Variants in CCDC6 observed in about 807,000 individuals in gnomAD.
CCDC6 encodes the protein coiled-coil domain containing 6, also known as coiled-coil domain-containing protein 6.
In CCDC6, 20 loss-of-function variants were observed where a neutral mutation model predicts 56.6. That is an observed-to-expected ratio of 0.35 (90% CI 0.25 to 0.51). The LOEUF (loss-of-function observed/expected upper bound fraction) is 0.51. CCDC6 is among the 20% of genes least tolerant of loss of function. The pLI, the probability that CCDC6 is intolerant of heterozygous loss-of-function variation, is 0.95. For synonymous variants in CCDC6, 241 were observed against 234.4 expected (o/e 1.03, Z -0.26); for missense variants, 367 against 601.1 (o/e 0.61, Z 4.07).
chr10:59,790,674 CTG>C lies in CCDC6; in HGVS notation c.*2241_*2242del, dbSNP rs1216019405. The C allele has an allele frequency of 4.6e-6, 1 of 219,722 alleles. No homozygotes were observed. The highest frequency in any genetic ancestry group is 9.1e-6 in the Non-Finnish European group (1 of 110,332). 13.6% of individuals were successfully genotyped at this position (219,722 alleles called of 1,614,324 possible). A position where few individuals can be genotyped will look rare whatever the true frequency, so the allele number is the denominator to read the frequency against. ...GTGGAAAAAGTGCTGTTTGAAGGAG[CTG>C]TGTTTTATTTCGAAGTGAAATGACT... On this transcript the variant is annotated 3_prime_UTR_variant, in exon 9 of 9. Transcript: ENST00000263102.
chr10:59,830,319 T>C (rs2070825012), intron 3 of CCDC6, among the ~76,000 whole-genome samples: 1 of 152,144 alleles, frequency 6.6e-6, no homozygotes, highest in Admixed American at 6.5e-5. Flanking sequence ...ACAATACAGA[T>C]AATTCCAAGA....
intron 1 of CCDC6, among the ~76,000 whole-genome samples, chr10:59,892,473 A>AGGCTCCCC (rs1234670558): frequency 3.3e-5 from 5 of 152,142 alleles, no homozygotes; most frequent in Non-Finnish European, 2.9e-5. Flanking sequence ...CCAGGTTGCG[A>AGGCTCCCC]GGCTCCCCAA....
chr10:59,839,736 A>T (rs1435708809), intron 2 of CCDC6, among the ~76,000 whole-genome samples: 1 of 152,102 alleles, frequency 6.6e-6, no homozygotes, highest in Non-Finnish European at 1.5e-5. Flanking sequence ...CTTGTTACTC[A>T]TTGTGGTTTG....
intron 1 of CCDC6, among the ~76,000 whole-genome samples, chr10:59,885,572 C>T (rs2071375442): frequency 6.6e-6 from 1 of 152,104 alleles, no homozygotes; most frequent in Non-Finnish European, 1.5e-5. Context: ...AGACCTGGCC[C>T]CACCTACTTC....
intron 5 of CCDC6, among the ~76,000 whole-genome samples, chr10:59,811,877 G>A (rs539705216): frequency 1.0e-3 from 157 of 152,022 alleles, no homozygotes; most frequent in African/African-American, 3.5e-3. Context: ...GTTCAAACCC[G>A]TGTTGTTCAA....
At chr10:59,878,375 T>C (rs2071302344) in intron 1 of CCDC6, among the ~76,000 whole-genome samples, 1 of 152,188 alleles carries the variant, frequency 6.6e-6, no homozygotes, top group South Asian at 2.1e-4. Context: ...TTGATTCCAT[T>C]TATCCAAGCA....
chr10:59,858,631 C>T (rs1030989669), intron 1 of CCDC6, among the ~76,000 whole-genome samples: 2 of 152,180 alleles, frequency 1.3e-5, no homozygotes, highest in Non-Finnish European at 2.9e-5. Context: ...AGACACATGT[C>T]CTTCTGGGCA....
intron 2 of CCDC6, among the ~76,000 whole-genome samples, chr10:59,841,624 C>T (rs2070939527): frequency 6.6e-6 from 1 of 151,930 alleles, no homozygotes; most frequent in African/African-American, 2.4e-5. Context: ...TCCACGACAA[C>T]AATCAATATA....
chr10:59,792,544 AAAAAAATAT>A lies in CCDC6; in HGVS notation c.*364_*372del, dbSNP rs770734585. The A allele has an allele frequency of 3.8e-6, 2 of 521,468 alleles. No homozygotes were observed. Among genetic ancestry groups the A allele is most frequent in the East Asian group, 7.8e-5 (2 of 25,556 alleles). 32.3% of individuals were successfully genotyped at this position (521,468 alleles called of 1,614,324 possible). ...TCAGTAATTTTCTGCAGATTCATGG[AAAAAAATAT>A]AAAAAAGATATCCCTTTTTCTTTTA... is the stretch of plus-strand genomic sequence containing the variant. On this transcript the variant is annotated 3_prime_UTR_variant, in exon 9 of 9. Coordinates refer to ENST00000263102, the MANE Select transcript of CCDC6 (RefSeq NM_005436.5).
At chr10:59,830,546 G>A (rs559786558) in intron 3 of CCDC6, among the ~76,000 whole-genome samples, 3 of 152,308 alleles carry the variant, frequency 2.0e-5, no homozygotes, top group Non-Finnish European at 2.9e-5. Flanking sequence ...GGCTTCATAT[G>A]CTGGATCTGA....
intron 1 of CCDC6, among the ~76,000 whole-genome samples, chr10:59,871,713 T>C (rs1200159225): frequency 2.0e-5 from 3 of 152,114 alleles, no homozygotes; most frequent in Admixed American, 2.0e-4. Flanking sequence ...CTGCCTACAT[T>C]TCCCCATCTG....
At chr10:59,823,892 T>C (rs562243092) in intron 3 of CCDC6, among the ~76,000 whole-genome samples, 1 of 152,306 alleles carries the variant, frequency 6.6e-6, no homozygotes, top group South Asian at 2.1e-4. Flanking sequence ...CAGTACAGTA[T>C]CCCTGGGTTT....
At chr10:59,875,207 A>C (rs994664466) in intron 1 of CCDC6, among the ~76,000 whole-genome samples, 1 of 152,238 alleles carries the variant, frequency 6.6e-6, no homozygotes, top group Non-Finnish European at 1.5e-5. Flanking sequence ...AGAAGCACAT[A>C]AACCAGAATA....
intron 2 of CCDC6, among the ~76,000 whole-genome samples, chr10:59,834,870 T>C (rs1249297203): frequency 1.3e-5 from 2 of 152,206 alleles, no homozygotes; most frequent in East Asian, 3.8e-4. Flanking sequence ...AAGAACCCAA[T>C]GAAACAAGCA....
Position 59,793,102 on chromosome 10 carries a change from G to T in CCDC6, c.1240C>A (p.Pro414Thr). The change falls in exon 9 of 9, where the codon CCA becomes ACA. Residue 414 changes from proline to threonine, a missense_variant. Physicochemically the swap from Pro to Thr is conservative, Grantham distance 38. Coordinates refer to ENST00000263102, the MANE Select transcript of CCDC6 (RefSeq NM_005436.5). ...GTSHGITRPSPRRSNSPDKFK... is the reference protein window; with the variant it reads ...GTSHGITRPSTRRSNSPDKFK... Reference sequence around the variant, plus strand: ...TTGTCAGGACTGTTGCTTCTCCGTGGTGAAGGCCTCTGCAGAGGGGACAGG... The same window carrying T: ...TTGTCAGGACTGTTGCTTCTCCGTGTTGAAGGCCTCTGCAGAGGGGACAGG... 6.2e-7 allele frequency: 1 copy of T among 1,614,098 alleles called. No homozygotes were observed. Among genetic ancestry groups the T allele is most frequent in the Non-Finnish European group, 8.5e-7 (1 of 1,179,986 alleles).
Position 59,900,815 on chromosome 10 carries a change from T to C in CCDC6, c.303+5307A>G, listed in dbSNP as rs149572316. Among the ~76,000 whole-genome samples, 475 of 152,284 alleles carry C rather than the reference T, an allele frequency of 3.1e-3. 3 individuals carry two copies. Among genetic ancestry groups the C allele is most frequent in the African/African-American group, 0.011 (446 of 41,554 alleles). ...AGCTCACACCTGTAATCCTAGCACT[T>C]TGGGAGGCAGAGGTGGGTGGATCAC... On this transcript the variant is annotated intron_variant, in intron 1 of 8. Transcript: ENST00000263102.
intron 1 of CCDC6, among the ~76,000 whole-genome samples, chr10:59,858,632 C>T (rs2071098732): frequency 6.6e-6 from 1 of 152,320 alleles, no homozygotes; most frequent in African/African-American, 2.4e-5. Context: ...GACACATGTC[C>T]TTCTGGGCAT....
intron 1 of CCDC6, among the ~76,000 whole-genome samples, chr10:59,903,573 C>G (rs1222749604): frequency 3.3e-5 from 5 of 152,082 alleles, no homozygotes; most frequent in Non-Finnish European, 7.4e-5. Flanking sequence ...AAAAGAAGGC[C>G]ACAATCACCT....
intron 1 of CCDC6, among the ~76,000 whole-genome samples, chr10:59,876,374 C>G (rs1324186747): frequency 1.3e-5 from 2 of 151,866 alleles, no homozygotes; most frequent in African/African-American, 4.8e-5. Flanking sequence ...TTAAAAATCA[C>G]TGATGCATTA....
Sources: allele counts gnomAD v4.1 joint callset (sites outside exome capture counted in the v4.1 genomes callset), GRCh38; gene constraint gnomAD v4.1.1; transcripts MANE v1.5; gene names NCBI Gene and HGNC (gene_info 2026-07-23, HGNC 2026-07-21).